The following DAAM1 variants were observed in gnomAD, a reference collection of about 807,000 sequenced individuals.
The protein encoded by DAAM1 is disheveled-associated activator of morphogenesis 1.
Under a neutral mutation model 130.0 loss-of-function variants are expected in DAAM1, and 52 were observed. That is an observed-to-expected ratio of 0.40 (90% CI 0.32 to 0.50). The LOEUF is 0.50. DAAM1 is among the 20% of genes least tolerant of loss of function. The pLI is 0.61. For missense variants in DAAM1, 1,134 were observed against 1,303.8 expected (o/e 0.87, Z 2.01); for synonymous variants, 452 against 444.5 (o/e 1.02, Z -0.21).
intron 1 of DAAM1, among the ~76,000 whole-genome samples, chr14:59,223,060 C>T (rs1051354728): frequency 1.9e-4 from 29 of 152,204 alleles, no homozygotes; most frequent in African/African-American, 7.0e-4. Flanking sequence ...CAAACTAGGC[C>T]CAAGTCTTCT....
chr14:59,303,366 T>C (rs962690032), intron 3 of DAAM1, among the ~76,000 whole-genome samples: 8 of 152,220 alleles, frequency 5.3e-5, no homozygotes, highest in Non-Finnish European at 1.0e-4. Context: ...TTCATTCTGG[T>C]TACCACCACC....
intron 20 of DAAM1, among the ~76,000 whole-genome samples, chr14:59,357,858 T>C (rs772579819): frequency 7.2e-5 from 11 of 152,206 alleles, no homozygotes; most frequent in Non-Finnish European, 1.5e-4. Flanking sequence ...GGCCACTGTT[T>C]TGCTTTGGTG....
At chr14:59,325,109 G>T (rs1885157388) in intron 8 of DAAM1, among the ~76,000 whole-genome samples, 1 of 152,152 alleles carries the variant, frequency 6.6e-6, no homozygotes, top group Admixed American at 6.5e-5. Flanking sequence ...TGTCCAAATT[G>T]TTGGTTCCCT....
chr14:59,248,456 G>A (rs1265304565), intron 1 of DAAM1, among the ~76,000 whole-genome samples: 1 of 152,202 alleles, frequency 6.6e-6, no homozygotes, highest in African/African-American at 2.4e-5. Flanking sequence ...AGCTTCAGAA[G>A]TGTTTGTTTA....
In DAAM1 at chr14:59,367,494, C is replaced by T; in HGVS notation, c.2892C>T (p.Gly964=). ...AGKIQPDEFF[G]IFDQFLQAVS... is the part of the protein sequence containing the mutation. ...AAATACAACCAGATGAGTTCTTTGG[C>T]ATTTTTGATCAATTTCTTCAAGCTG... is the stretch of plus-strand genomic sequence containing the variant. The change falls in exon 24 of 25, where the codon GGC becomes GGT. Residue 964 remains glycine (G), a synonymous_variant. Transcript: ENST00000360909. The T allele has an allele frequency of 1.9e-6, 3 of 1,613,700 alleles. No homozygotes were observed. The highest frequency in any genetic ancestry group is 2.5e-6 in the Non-Finnish European group (3 of 1,179,792).
At chr14:59,282,406 T>C (rs1241396305) in intron 2 of DAAM1, among the ~76,000 whole-genome samples, 1 of 152,200 alleles carries the variant, frequency 6.6e-6, no homozygotes, top group Non-Finnish European at 1.5e-5. Context: ...ATGACTATTC[T>C]GTCTTCAGAT....
At chr14:59,283,263 G>T (rs1396638480) in intron 2 of DAAM1, among the ~76,000 whole-genome samples, 4 of 152,138 alleles carry the variant, frequency 2.6e-5, no homozygotes, top group African/African-American at 9.7e-5. Context: ...TGATTGTTGA[G>T]AAGTGATTTA....
Position 59,370,144 on chromosome 14 carries a change from C to CTTTTTTTTTTTTTTTTTT in DAAM1, c.*1294_*1311dup, listed in dbSNP as rs398025271. The CTTTTTTTTTTTTTTTTTT allele has an allele frequency of 2.1e-4, 20 of 95,400 alleles. No individual in the cohort carries two copies. The highest frequency in any genetic ancestry group is 6.7e-3 in the Middle Eastern group (1 of 150). The allele number at this position is 95,400 out of a possible 1,614,324, so 5.9% of individuals were successfully genotyped here. On this transcript the variant is annotated 3_prime_UTR_variant, in exon 25 of 25. Transcript: ENST00000360909. ...TATAAAGAGGACTGTTACTTTTTTA[C>CTTTTTTTTTTTTTTTTTT]TTTTTTTTTTTTTTTTTTTTTTTTT... is the stretch of plus-strand genomic sequence containing the variant.
intron 15 of DAAM1, among the ~76,000 whole-genome samples, chr14:59,332,392 AT>A (rs1236938045): frequency 2.0e-5 from 3 of 152,202 alleles, no homozygotes; most frequent in African/African-American, 7.2e-5. Context: ...AATGACTATA[AT>A]TTGGCCAGTA....
intron 15 of DAAM1, among the ~76,000 whole-genome samples, 171 bp downstream of exon 15, chr14:59,332,091 A>G (rs1205300977): frequency 6.6e-6 from 1 of 152,226 alleles, no homozygotes; most frequent in Non-Finnish European, 1.5e-5. Flanking sequence ...TTGTATGTGA[A>G]CAGTCGAAGA....
At chr14:59,290,186 T>G (rs1390729043) in intron 2 of DAAM1, among the ~76,000 whole-genome samples, 3 of 152,228 alleles carry the variant, frequency 2.0e-5, no homozygotes, top group Non-Finnish European at 4.4e-5. Flanking sequence ...CACCAATAAC[T>G]TTTTTCTAAG....
intron 2 of DAAM1, among the ~76,000 whole-genome samples, chr14:59,266,605 A>G (rs1882453681): frequency 6.6e-6 from 1 of 152,242 alleles, no homozygotes; most frequent in Non-Finnish European, 1.5e-5. Context: ...TGAGGTTTGT[A>G]TCTGTCCTGG....
rs539821388 is a variant in DAAM1, at chr14:59,307,369, C to T, written c.274-7911C>T. Among the ~76,000 whole-genome samples, 3 of 152,320 alleles carry T rather than the reference C, an allele frequency of 2.0e-5. No homozygotes were observed. The South Asian group carries it at 6.2e-4, about 32-fold the overall frequency. On this transcript the variant is annotated intron_variant, in intron 3 of 24. Coordinates refer to ENST00000360909, the MANE Select transcript of DAAM1 (RefSeq NM_001270520.2). ...TCATAAGTCTACTCCTTGGGTTCTC[C>T]TTTGAACCAGTTGTAACATCTTCCT... is the stretch of plus-strand genomic sequence containing the variant.
rs151016906 is a variant in DAAM1 at position 59,358,613 on chromosome 14, C to T, written c.2526-784C>T. Among the ~76,000 whole-genome samples, 799 of 152,122 alleles carry T rather than the reference C, an allele frequency of 5.3e-3. 8 individuals are homozygous for T. Among genetic ancestry groups the T allele is most frequent in the African/African-American group, 0.018 (754 of 41,522 alleles). ...ATCCCAGCACTTTGGGAGGCCGAGG[C>T]GGGTGGATCACCTGAGGTCAGGAGT... On this transcript the variant is annotated intron_variant, in intron 20 of 24. Coordinates refer to ENST00000360909, the MANE Select transcript of DAAM1 (RefSeq NM_001270520.2).
At chr14:59,314,071 TG>T (rs1206393891) in intron 3 of DAAM1, among the ~76,000 whole-genome samples, 1 of 152,258 alleles carries the variant, frequency 6.6e-6, no homozygotes, top group Non-Finnish European at 1.5e-5. Flanking sequence ...TGTGTAGACC[TG>T]TCTGGAAAGA....
chr14:59,314,612 G>C (rs1194171248), intron 3 of DAAM1, among the ~76,000 whole-genome samples: 4 of 152,166 alleles, frequency 2.6e-5, no homozygotes, highest in Non-Finnish European at 5.9e-5. Flanking sequence ...GACAGTTTAG[G>C]AATCGGTGCC....
intron 3 of DAAM1, among the ~76,000 whole-genome samples, chr14:59,297,891 C>T (rs1189830759): frequency 6.6e-6 from 1 of 152,038 alleles, no homozygotes; most frequent in African/African-American, 2.4e-5. Flanking sequence ...TACTGGGGGT[C>T]TTAGAATGTA....
chr14:59,189,904 C>G (rs977853553), intron 1 of DAAM1, among the ~76,000 whole-genome samples: 4 of 152,192 alleles, frequency 2.6e-5, no homozygotes, highest in Non-Finnish European at 5.9e-5. Flanking sequence ...ATTCCCCTCT[C>G]CTTCATCTCC....
chr14:59,368,919 G>T lies in DAAM1; in HGVS notation c.*60G>T. 1 of 1,498,350 alleles carries T rather than the reference G, an allele frequency of 6.7e-7. No individual in the cohort carries two copies. Among genetic ancestry groups the T allele is most frequent in the South Asian group, 1.3e-5 (1 of 79,806 alleles). 92.8% of individuals were successfully genotyped at this position (1,498,350 alleles called of 1,614,324 possible). ...AGCAGCCCTCTAAAGTGACTAGAAC[G>T]TTTCATTACACTGCCTTGCAATCCA... is the stretch of plus-strand genomic sequence containing the variant. On this transcript the variant is annotated 3_prime_UTR_variant, in exon 25 of 25. Transcript: ENST00000360909.
Sources: allele counts gnomAD v4.1 joint callset (sites outside exome capture counted in the v4.1 genomes callset), GRCh38; gene constraint gnomAD v4.1.1; transcripts MANE v1.5; gene names NCBI Gene and HGNC (gene_info 2026-07-23, HGNC 2026-07-21).